Variants in GRM8 observed in about 807,000 individuals in gnomAD.
GRM8 encodes the protein metabotropic glutamate receptor 8.
In GRM8, 47 loss-of-function variants were observed where a neutral mutation model predicts 87.2. The ratio of observed to expected loss-of-function variants is 0.54; its 90% CI spans 0.43 to 0.69. The LOEUF (loss-of-function observed/expected upper bound fraction) is 0.69, where lower values mean the gene tolerates loss of function less well. GRM8 is among the 30% of genes least tolerant of loss of function. GRM8 has a pLI of 0.00. For missense variants in GRM8, 1,019 were observed against 1,139.2 expected (o/e 0.89, Z 1.52); for synonymous variants, 396 against 404.5 (o/e 0.98, Z 0.25).
At chr7:126,916,348 A>G (rs187535968) in intron 3 of GRM8, among the ~76,000 whole-genome samples, 2,568 of 152,328 alleles carry the variant, frequency 0.017, 47 homozygotes, top group Non-Finnish European at 0.021. Context: ...CAAATACGTG[A>G]ATAAATAAGA....
At chr7:126,993,282 G>T (rs1812854484) in intron 3 of GRM8, among the ~76,000 whole-genome samples, 1 of 152,076 alleles carries the variant, frequency 6.6e-6, no homozygotes, top group Non-Finnish European at 1.5e-5. Flanking sequence ...AACAACCCAA[G>T]AGTCAATCAA....
intron 6 of GRM8, among the ~76,000 whole-genome samples, chr7:126,801,881 A>T (rs1822747056): frequency 2.0e-5 from 3 of 152,152 alleles, no homozygotes; most frequent in Admixed American, 2.0e-4. Context: ...TATACAAGGA[A>T]CTATTAATAA....
In GRM8 at chr7:126,685,679, C is replaced by T. The variant is rs547566731; in HGVS notation, c.1358-76181G>A. 6.6e-6 allele frequency among the ~76,000 whole-genome samples: 1 copy of T among 152,254 alleles called. No homozygotes were observed. The highest frequency in any genetic ancestry group is 2.4e-5 in the African/African-American group (1 of 41,562). On this transcript the variant is annotated intron_variant, in intron 7 of 10. Coordinates refer to ENST00000339582, the MANE Select transcript of GRM8 (RefSeq NM_000845.3). The surrounding 1 kb of genome is among the most constrained non-coding windows in gnomAD (Gnocchi z 4.2). The stretch of plus-strand genomic sequence containing the variant: ...CCTTGCTGCCTCGGCTCCCTCTAAA[C>T]TTTGGCTGTGGACAAGCACAGGAGG...
At chr7:126,946,319 T>TAGTG (rs747015358) in intron 3 of GRM8, among the ~76,000 whole-genome samples, 1 of 151,998 alleles carries the variant, frequency 6.6e-6, no homozygotes, top group African/African-American at 2.4e-5. Flanking sequence ...TTGAGCAACA[T>TAGTG]AGTGAGACCC....
intron 3 of GRM8, among the ~76,000 whole-genome samples, chr7:126,955,156 T>C (rs909647334): frequency 6.6e-6 from 1 of 152,136 alleles, no homozygotes; most frequent in Non-Finnish European, 1.5e-5. Context: ...TAAGAACACA[T>C]TTATTACTAG....
Position 127,242,845 on chromosome 7 carries a change from C to A in GRM8, c.360G>T (p.Val120=). Residue 120 remains valine, a synonymous_variant, in exon 2 of 11, where the codon GTG becomes GTT. Coordinates refer to ENST00000339582, the MANE Select transcript of GRM8 (RefSeq NM_000845.3). ...TYALEQSLTF[V]QALIEKDASD... is the part of the protein sequence containing the mutation. ...AAGCATCTTTCTCTATTAATGCCTGCACGAATGTTAGAGACTGCTCCAAAG... is the reference window on the plus strand; with the variant it reads ...AAGCATCTTTCTCTATTAATGCCTGAACGAATGTTAGAGACTGCTCCAAAG... 1.9e-6 allele frequency: 3 copies of A among 1,614,120 alleles called. No individual in the cohort carries two copies. The highest frequency in any genetic ancestry group is 2.5e-6 in the Non-Finnish European group (3 of 1,180,014).
intron 3 of GRM8, among the ~76,000 whole-genome samples, chr7:126,961,422 G>A (rs183333804): frequency 1.2e-4 from 19 of 152,304 alleles, no homozygotes; most frequent in African/African-American, 4.6e-4. Flanking sequence ...ATCACCGTGT[G>A]TAAGTGAATA....
chr7:126,583,874 G>A (rs1052488503), intron 8 of GRM8, among the ~76,000 whole-genome samples: 3 of 152,198 alleles, frequency 2.0e-5, no homozygotes, highest in East Asian at 1.9e-4. Context: ...CAGCAATACA[G>A]TTTGAGATTC....
At chr7:126,688,374 C>T (rs1206318481) in intron 7 of GRM8, among the ~76,000 whole-genome samples, 1 of 152,112 alleles carries the variant, frequency 6.6e-6, no homozygotes, top group Non-Finnish European at 1.5e-5. Context: ...ATTTATGCAG[C>T]TGAGTGAGAG....
chr7:126,843,069 C>T (rs1283230958), intron 6 of GRM8, among the ~76,000 whole-genome samples: 4 of 151,890 alleles, frequency 2.6e-5, no homozygotes, highest in Admixed American at 2.0e-4. Context: ...TACAAAATAT[C>T]TTACAAATGA....
intron 9 of GRM8, among the ~76,000 whole-genome samples, chr7:126,448,255 A>G (rs901340958): frequency 7.9e-5 from 12 of 151,940 alleles, no homozygotes; most frequent in African/African-American, 2.4e-4. Context: ...CTAAAAACAA[A>G]CAAACAAATC....
chr7:126,692,165 C>T (rs143669255), intron 7 of GRM8, among the ~76,000 whole-genome samples: 19 of 152,292 alleles, frequency 1.2e-4, no homozygotes, highest in Non-Finnish European at 1.0e-4. Flanking sequence ...ATAATAAAGA[C>T]CTTGACACAG....
intron 6 of GRM8, among the ~76,000 whole-genome samples, chr7:126,787,596 A>C (rs1262755649): frequency 6.6e-6 from 1 of 152,166 alleles, no homozygotes; most frequent in Non-Finnish European, 1.5e-5. Context: ...AAACATTCTC[A>C]AACTTCCTCT....
chr7:127,238,986 T>G (rs1798138525), intron 2 of GRM8, among the ~76,000 whole-genome samples: 1 of 152,096 alleles, frequency 6.6e-6, no homozygotes, highest in Admixed American at 6.5e-5. Flanking sequence ...ACAGACATAC[T>G]AACATAGAGA....
At chr7:126,768,960 T>C (rs992330522) in intron 7 of GRM8, among the ~76,000 whole-genome samples, 2 of 128,396 alleles carry the variant, frequency 1.6e-5, no homozygotes, top group Non-Finnish European at 3.4e-5. Flanking sequence ...AAGTTTCCAC[T>C]TGAATTCTAA....
chr7:126,791,797 T>C (rs1168043524), intron 6 of GRM8, among the ~76,000 whole-genome samples: 1 of 152,188 alleles, frequency 6.6e-6, no homozygotes, highest in African/African-American at 2.4e-5. Context: ...TAAACATCAA[T>C]TTTAATCAGG....
At chr7:127,144,061 G>A (rs1828420743) in intron 2 of GRM8, among the ~76,000 whole-genome samples, 1 of 152,104 alleles carries the variant, frequency 6.6e-6, no homozygotes, top group Non-Finnish European at 1.5e-5. Flanking sequence ...TGAGAAGTCT[G>A]TGCCTCATTT....
At position 126,912,899 on chromosome 7, in the gene GRM8, CACAA is replaced by C. The variant is rs1586432109; in HGVS notation, c.728-8220_728-8217del. On this transcript the variant is annotated intron_variant, in intron 3 of 10. Coordinates refer to ENST00000339582, the MANE Select transcript of GRM8 (RefSeq NM_000845.3). Reference sequence around the variant, plus strand: ...ACTTCCTTTCAAAGACGTCTTGTTGCACAAACAAAGGCAATCTATACAAATGATA... The same window carrying C: ...ACTTCCTTTCAAAGACGTCTTGTTGCACAAAGGCAATCTATACAAATGATA... Among the ~76,000 whole-genome samples, 3 of 152,120 alleles carry C rather than the reference CACAA, an allele frequency of 2.0e-5. 1 individual carries two copies. The highest frequency in any genetic ancestry group is 4.1e-4 in the South Asian group (2 of 4,830).
chr7:127,036,860 T>C (rs1817899291), intron 3 of GRM8, among the ~76,000 whole-genome samples: 1 of 152,174 alleles, frequency 6.6e-6, no homozygotes, highest in Non-Finnish European at 1.5e-5. Context: ...GGTTTTTCTT[T>C]TTGGTTAGAG....
Sources: gnomAD v4.1 joint callset for allele counts (sites outside exome capture counted in the v4.1 genomes callset) on GRCh38, gnomAD v4.1.1 for gene constraint, Gnocchi (gnomAD v3.1) non-coding constraint, MANE v1.5 for transcripts, NCBI Gene and HGNC (gene_info 2026-07-23, HGNC 2026-07-21) for gene names.